Variants in SHC3 observed in about 807,000 individuals in gnomAD.
SHC3 encodes the protein SHC-transforming protein 3.
In SHC3, 15 loss-of-function variants were observed where a neutral mutation model predicts 60.4. The observed-to-expected ratio is 0.25, with a 90% CI of 0.17 to 0.38. SHC3 has a LOEUF of 0.38. Among genes scored for constraint, SHC3 ranks in the 10% least tolerant of loss-of-function variants. The pLI, the probability that SHC3 is intolerant of heterozygous loss-of-function variation, is 1.00. For missense variants in SHC3, 677 were observed against 786.1 expected (o/e 0.86, Z 1.66); for synonymous variants, 294 against 325.9 (o/e 0.90, Z 1.05).
In SHC3 at chr9:89,073,590, C is replaced by G. The variant is rs80305775; in HGVS notation, c.729+1519G>C. On this transcript the variant is annotated intron_variant, in intron 4 of 11. Transcript: ENST00000375835. ...CACACTCATCAACCAAACTACCAGT[C>G]CCCTGGGTGTCCAGAACCTGCCACT... 7.2e-5 allele frequency among the ~76,000 whole-genome samples: 11 copies of G among 152,310 alleles called. No homozygotes were observed. The East Asian group carries it at 2.1e-3, about 29-fold the overall frequency.
At position 89,031,190 on chromosome 9, in the gene SHC3, T is replaced by C. The variant is rs149334171; in HGVS notation, c.1656+6803A>G. On this transcript the variant is annotated intron_variant, in intron 11 of 11. Transcript: ENST00000375835. Reference sequence around the variant, plus strand: ...TGTGAGCCACCACACCTGACCTGTATTTTTCTATAAACTGGCAGATACAGA... The same window carrying C: ...TGTGAGCCACCACACCTGACCTGTACTTTTCTATAAACTGGCAGATACAGA... Among the ~76,000 whole-genome samples the C allele has an allele frequency of 9.6e-4, 147 of 152,336 alleles. No individual in the cohort carries two copies. In the East Asian group the frequency reaches 0.025, roughly 26 times the overall value.
At chr9:89,142,532 A>C (rs1429428205) in intron 1 of SHC3, among the ~76,000 whole-genome samples, 1 of 151,918 alleles carries the variant, frequency 6.6e-6, no homozygotes, top group East Asian at 1.9e-4. Context: ...AAAATACACA[A>C]ATTAGCCAGG....
chr9:89,062,649 G>A (rs1403368239), intron 6 of SHC3, among the ~76,000 whole-genome samples: 1 of 152,208 alleles, frequency 6.6e-6, no homozygotes, highest in Non-Finnish European at 1.5e-5. Context: ...GATGCATTCT[G>A]TCCCTGATGG....
At chr9:89,035,673 T>G (rs529158579) in intron 11 of SHC3, among the ~76,000 whole-genome samples, 1 of 151,976 alleles carries the variant, frequency 6.6e-6, no homozygotes, top group South Asian at 2.1e-4. Context: ...GTGTTGAGCC[T>G]CGGCCAGGTG....
chr9:89,097,309 A>G (rs1587725200), intron 2 of SHC3, among the ~76,000 whole-genome samples: 2 of 152,206 alleles, frequency 1.3e-5, no homozygotes, highest in Non-Finnish European at 2.9e-5. Flanking sequence ...TTCAAAAGGA[A>G]CTATAAGTTC....
At chr9:89,063,459 G>A (rs928687919) in intron 6 of SHC3, among the ~76,000 whole-genome samples, 6 of 152,212 alleles carry the variant, frequency 3.9e-5, no homozygotes, top group Admixed American at 1.3e-4. Flanking sequence ...TATGGCAGAA[G>A]TGAAGCTTAG....
chr9:89,178,507 G>A lies in SHC3; in HGVS notation c.-47C>T. On this transcript the variant is annotated 5_prime_UTR_variant, in exon 1 of 12. Transcript: ENST00000375835. The surrounding 1 kb of genome is among the most constrained non-coding windows in gnomAD (Gnocchi z 6.9). ...ATCCGCCCGGGCGCTGCTGGTGCCGGCCCCGGCGCGGGCTGCCGCGCATAG... is the reference window on the plus strand; with the variant it reads ...ATCCGCCCGGGCGCTGCTGGTGCCGACCCCGGCGCGGGCTGCCGCGCATAG... The A allele has an allele frequency of 2.8e-6, 4 of 1,412,898 alleles. No individual in the cohort carries two copies. The highest frequency in any genetic ancestry group is 3.7e-6 in the Non-Finnish European group (4 of 1,078,090). The allele number at this position is 1,412,898 out of a possible 1,614,324, so 87.5% of individuals were successfully genotyped here.
intron 2 of SHC3, among the ~76,000 whole-genome samples, chr9:89,087,700 A>C (rs1825554737): frequency 2.0e-5 from 3 of 152,220 alleles, no homozygotes; most frequent in African/African-American, 7.2e-5. Context: ...AAGCCCACCA[A>C]CCAACTGAAC....
intron 1 of SHC3, among the ~76,000 whole-genome samples, chr9:89,158,030 T>G (rs2118233928): frequency 6.6e-6 from 1 of 151,920 alleles, no homozygotes; most frequent in East Asian, 1.9e-4. Flanking sequence ...TGCTTTTATC[T>G]TTGTTATTGC....
intron 2 of SHC3, among the ~76,000 whole-genome samples, chr9:89,091,765 C>T (rs1383259974): frequency 6.6e-6 from 1 of 152,216 alleles, no homozygotes; most frequent in African/African-American, 2.4e-5. Context: ...CATAACTCCC[C>T]ACTGCCTCAT....
At chr9:89,165,697 A>G (rs1380584335) in intron 1 of SHC3, among the ~76,000 whole-genome samples, 2 of 152,092 alleles carry the variant, frequency 1.3e-5, no homozygotes, top group East Asian at 1.9e-4. Context: ...ATTTGGGGAG[A>G]GGATGAACAG....
intron 1 of SHC3, among the ~76,000 whole-genome samples, chr9:89,120,943 T>C (rs1448786517): frequency 6.6e-6 from 1 of 151,818 alleles, no homozygotes; most frequent in Non-Finnish European, 1.5e-5. Flanking sequence ...TTTATTTACA[T>C]TTTAAAAGAG....
At chr9:89,092,482 T>A (rs188864550) in intron 2 of SHC3, among the ~76,000 whole-genome samples, 4 of 151,784 alleles carry the variant, frequency 2.6e-5, no homozygotes, top group Admixed American at 2.6e-4. Context: ...CCAGGCGTGG[T>A]GGCGGGCACC....
chr9:89,165,750 T>C (rs1826779564), intron 1 of SHC3, among the ~76,000 whole-genome samples: 1 of 151,736 alleles, frequency 6.6e-6, no homozygotes, highest in Non-Finnish European at 1.5e-5. Context: ...GAGGGAAAAA[T>C]TGTGAATTTA....
At chr9:89,059,767 TGGTGGTGGAGG>T (rs1825047108) in intron 6 of SHC3, among the ~76,000 whole-genome samples, 1 of 15,762 alleles carries the variant, frequency 6.3e-5, no homozygotes, top group African/African-American at 4.2e-4. Flanking sequence ...TGGTGGAGGA[TGGTGGTGGAGG>T]ATGGTGGTGG....
At chr9:89,039,071 A>G (rs1824631693) in intron 10 of SHC3, among the ~76,000 whole-genome samples, 1 of 152,252 alleles carries the variant, frequency 6.6e-6, no homozygotes. Context: ...CACATAAGGT[A>G]GTGTGTATGA....
At chr9:89,048,441 T>A (rs1421305601) in intron 7 of SHC3, among the ~76,000 whole-genome samples, 1 of 152,206 alleles carries the variant, frequency 6.6e-6, no homozygotes, top group East Asian at 1.9e-4. Flanking sequence ...TGATTCCATT[T>A]ATATGAAATG....
intron 11 of SHC3, among the ~76,000 whole-genome samples, chr9:89,016,384 A>T (rs987943883): frequency 3.3e-5 from 5 of 152,164 alleles, no homozygotes; most frequent in African/African-American, 1.2e-4. Flanking sequence ...GTTGAGGAAC[A>T]TCTGTATTAT....
At chr9:89,160,257 C>T (rs986594459) in intron 1 of SHC3, among the ~76,000 whole-genome samples, 1 of 152,206 alleles carries the variant, frequency 6.6e-6, no homozygotes, top group Admixed American at 6.5e-5. Flanking sequence ...GAGCTTCTCA[C>T]TCTGATTCTC....
Sources: gnomAD v4.1 joint callset for allele counts (sites outside exome capture counted in the v4.1 genomes callset) on GRCh38, gnomAD v4.1.1 for gene constraint, Gnocchi (gnomAD v3.1) non-coding constraint, MANE v1.5 for transcripts, NCBI Gene and HGNC (gene_info 2026-07-23, HGNC 2026-07-21) for gene names.